Variants in SSUH2 observed in about 807,000 individuals in gnomAD.
The protein encoded by SSUH2 is protein SSUH2 homolog.
Under a neutral mutation model 55.3 loss-of-function variants are expected in SSUH2, and 47 were observed. The ratio of observed to expected loss-of-function variants is 0.85; its 90% CI spans 0.67 to 1.08. The LOEUF (loss-of-function observed/expected upper bound fraction) is 1.08. Ranked by LOEUF, SSUH2 falls within the 50% of genes least tolerant of loss-of-function variation. The pLI, the probability that SSUH2 is intolerant of heterozygous loss-of-function variation, is 0.00. For missense variants in SSUH2, 535 were observed against 490.7 expected, an observed-to-expected ratio of 1.09 and a Z score of -0.85; for synonymous variants, 212 against 191.5, an observed-to-expected ratio of 1.11 and a Z score of -0.89.
At chr3:8,628,756 C>T (rs1325737024) in intron 7 of SSUH2, among the ~76,000 whole-genome samples, 1 of 152,232 alleles carries the variant, frequency 6.6e-6, no homozygotes, top group Non-Finnish European at 1.5e-5. Flanking sequence ...GATGGCTTCC[C>T]TCTCAGTGCC....
At chr3:8,667,115 G>A (rs1400604971) in intron 5 of SSUH2, among the ~76,000 whole-genome samples, 1 of 152,180 alleles carries the variant, frequency 6.6e-6, no homozygotes, top group East Asian at 1.9e-4. Flanking sequence ...GGGGTAAAGG[G>A]GTGGCTACTC....
chr3:8,657,196 T>C (rs1474797520), intron 7 of SSUH2, among the ~76,000 whole-genome samples: 5 of 152,194 alleles, frequency 3.3e-5, no homozygotes, highest in Non-Finnish European at 7.3e-5. Flanking sequence ...CCCTGTTTTA[T>C]AATTACCTCC....
intron 10 of SSUH2, among the ~76,000 whole-genome samples, chr3:8,624,760 A>T (rs1290776996): frequency 2.6e-5 from 4 of 152,168 alleles, no homozygotes; most frequent in Admixed American, 6.5e-5. Context: ...TTATCGACAA[A>T]GGCAGGCAGT....
At chr3:8,658,852 A>T (rs1292044236) in intron 7 of SSUH2, 1 of 66,852 alleles carries the variant, frequency 1.5e-5, no homozygotes, top group East Asian at 6.1e-4. Context: ...CATTCCCCCA[A>T]ACAAAACAAA....
At chr3:8,663,116 A>G (rs997383617) in intron 6 of SSUH2, among the ~76,000 whole-genome samples, 1 of 152,218 alleles carries the variant, frequency 6.6e-6, no homozygotes, top group East Asian at 1.9e-4. Flanking sequence ...TGGGCTTTGC[A>G]TGCCTGCTCC....
intron 2 of SSUH2, chr3:8,679,667 G>A (rs201142394): frequency 2.4e-5 from 5 of 205,090 alleles, no homozygotes; most frequent in Non-Finnish European, 4.2e-5. Context: ...CCCTGGCTTA[G>A]GACCCCCATC....
chr3:8,649,956 C>G (rs113333088), intron 7 of SSUH2, among the ~76,000 whole-genome samples: 3,079 of 152,294 alleles, frequency 0.02, 51 homozygotes, highest in Admixed American at 0.048. Flanking sequence ...AATATGGCCT[C>G]TGCCTGCTTC....
chr3:8,624,917 C>G (rs1472055520), intron 10 of SSUH2, among the ~76,000 whole-genome samples: 2 of 152,130 alleles, frequency 1.3e-5, no homozygotes, highest in African/African-American at 2.4e-5. Flanking sequence ...TCCCACGCCA[C>G]AAGGTCCACT....
rs766646962 is a variant in SSUH2 at position 8,619,910 on chromosome 3, C to T, written c.1086G>A (p.Val362=). 23 of 1,614,024 alleles carry T rather than the reference C, an allele frequency of 1.4e-5. No homozygotes were observed. Among genetic ancestry groups the T allele is most frequent in the Non-Finnish European group, 1.9e-5 (22 of 1,180,026 alleles). The part of the protein sequence containing the change: ...IYGTDHQVYA[V]DYPERYCCGC... ...CACAGCAATACCGCTCAGGATAGTC[C>T]ACCGCATACACCTGGTGGTCAGTGC... The change falls in exon 12 of 12, where the codon GTG becomes GTA. Residue 362 remains valine, a synonymous_variant. Transcript: ENST00000544814.
At chr3:8,639,812 T>A (rs1700537168) in intron 1 of SSUH2, 1 of 201,594 alleles carries the variant, frequency 5.0e-6, no homozygotes, top group South Asian at 1.7e-4. Context: ...TCATACATTG[T>A]CTCCTTTGAC....
intron 8 of SSUH2, among the ~76,000 whole-genome samples, chr3:8,626,625 T>G (rs1166183458): frequency 2.0e-5 from 3 of 148,000 alleles, no homozygotes; most frequent in African/African-American, 7.5e-5. Flanking sequence ...CTGGTCTCAG[T>G]GGCTGATACA....
chr3:8,626,398 C>T (rs919484320), intron 8 of SSUH2, 77 bp from the exon 9 acceptor site: 14 of 1,063,518 alleles, frequency 1.3e-5, no homozygotes, highest in Non-Finnish European at 1.8e-5. Flanking sequence ...ACCTGCACCC[C>T]CTTCCTCCTG....
At chr3:8,677,901 C>G (rs1705541487) in intron 2 of SSUH2, among the ~76,000 whole-genome samples, 3 of 150,848 alleles carry the variant, frequency 2.0e-5, no homozygotes, top group Non-Finnish European at 2.9e-5. Flanking sequence ...ATATCATCTC[C>G]CCCTCTGGAG....
intron 4 of SSUH2, among the ~76,000 whole-genome samples, chr3:8,633,325 G>C (rs1699222843): frequency 6.6e-6 from 1 of 151,942 alleles, no homozygotes; most frequent in Non-Finnish European, 1.5e-5. Context: ...TGTATTTTTA[G>C]TACAGATGGG....
At position 8,619,849 on chromosome 3, in the gene SSUH2, T is replaced by C; in HGVS notation, c.*19A>G. The stretch of plus-strand genomic sequence containing the variant: ...CTTGGCAAACGTGAATGGCAGGCTC[T>C]GGGGACAGCCATGCTATGTCACACG... On this transcript the variant is annotated 3_prime_UTR_variant, in exon 12 of 12. Transcript: ENST00000544814. 6.2e-7 allele frequency: 1 copy of C among 1,611,108 alleles called. No homozygotes were observed. Among genetic ancestry groups the C allele is most frequent in the Non-Finnish European group, 8.5e-7 (1 of 1,178,650 alleles).
At chr3:8,637,633 G>A (rs143486760) in intron 1 of SSUH2, among the ~76,000 whole-genome samples, 15 of 152,288 alleles carry the variant, frequency 9.8e-5, no homozygotes, top group Middle Eastern at 3.4e-3. Context: ...CCACTGGGCC[G>A]CCCCTTTAAA....
Position 8,678,864 on chromosome 3 carries a change from G to T in SSUH2, c.-901+841C>A, listed in dbSNP as rs1219345173. Among the ~76,000 whole-genome samples the T allele has an allele frequency of 4.4e-5, 4 of 91,582 alleles. 2 individuals are homozygous for T. Among genetic ancestry groups the T allele is most frequent in the Non-Finnish European group, 4.7e-5 (2 of 42,154 alleles). The allele number at this position is 91,582 out of a possible 152,430, so 60.1% of individuals were successfully genotyped here. A position where few individuals can be genotyped will look rare whatever the true frequency, so the allele number is the denominator to read the frequency against. The stretch of plus-strand genomic sequence containing the variant: ...CTGAGAACCAATCCCTCTTCCCCCA[G>T]CCTGGCTCTTAGGATCCCCATTGCA... On this transcript the variant is annotated intron_variant, in intron 2 of 18. Coordinates refer to the SSUH2 transcript ENST00000317371.
chr3:8,643,350 T>C (rs947196929), intron 1 of SSUH2, among the ~76,000 whole-genome samples: 3 of 152,188 alleles, frequency 2.0e-5, no homozygotes, highest in Non-Finnish European at 2.9e-5. Context: ...ACCTAGTCCA[T>C]TGCTACTATG....
rs574310241 is a variant in SSUH2 at position 8,674,875 on chromosome 3, C to T, written c.-753+2331G>A. Among the ~76,000 whole-genome samples the T allele has an allele frequency of 5.5e-3, 839 of 152,006 alleles. 3 individuals carry two copies. The highest frequency in any genetic ancestry group is 0.011 in the Admixed American group (162 of 15,282). On this transcript the variant is annotated intron_variant, in intron 3 of 18. Transcript: ENST00000317371. Reference sequence around the variant, plus strand: ...GCCAAGCGGTGGCCAAGGGTCCGGGCGGAAGACAACCCTCTGGGATTGGCC... The same window carrying T: ...GCCAAGCGGTGGCCAAGGGTCCGGGTGGAAGACAACCCTCTGGGATTGGCC...
Sources: gnomAD v4.1 joint callset for allele counts (sites outside exome capture counted in the v4.1 genomes callset) on GRCh38, gnomAD v4.1.1 for gene constraint, MANE v1.5 for transcripts, NCBI Gene and HGNC (gene_info 2026-07-23, HGNC 2026-07-21) for gene names.